The following SMG7 variants were observed in gnomAD, a reference collection of about 807,000 sequenced individuals.
SMG7 encodes SMG7 nonsense mediated mRNA decay factor, also known as nonsense-mediated mRNA decay factor SMG7.
A neutral mutation model predicts 148.2 loss-of-function variants in SMG7; 34 were observed. The observed-to-expected ratio is 0.23, with a 90% confidence interval of 0.17 to 0.31. SMG7 has a LOEUF of 0.31. SMG7 is among the 10% of genes least tolerant of loss of function. The probability of loss-of-function intolerance (pLI) is 1.00; values close to 1 mark genes in which losing one functional copy is unlikely to be tolerated. For missense variants in SMG7, 1,114 were observed against 1,408.4 expected (o/e 0.79, Z 3.35); for synonymous variants, 492 against 515.1 (o/e 0.96, Z 0.61).
At chr1:183,529,106 C>A in intron 7 of SMG7, 64 bp downstream of exon 7, 1 of 1,471,788 alleles carries the variant, frequency 6.8e-7, no homozygotes, top group Non-Finnish European at 9.2e-7. Context: ...GCCTTAATTC[C>A]TCATAATTTG....
At chr1:183,512,990 A>G (rs1662533307) in intron 2 of SMG7, 122 bp downstream of exon 2, 8 of 801,480 alleles carry the variant, frequency 1.0e-5, no homozygotes, top group South Asian at 3.9e-5. Context: ...AGGGATGATC[A>G]TTTACTATCT....
rs551716468 is a variant in SMG7 at position 183,513,458 on chromosome 1, G to A, written c.61+590G>A. 2.4e-4 allele frequency: 34 copies of A among 144,238 alleles called. No individual in the cohort carries two copies. In the East Asian group the frequency reaches 4.3e-3, roughly 18 times the overall value. 8.9% of individuals were successfully genotyped at this position (144,238 alleles called of 1,614,324 possible). ...GTGATCTCGGCTCACTGTAACCTCC[G>A]CCTCCCTGGTTCAAGCGATTCTCCT... On this transcript the variant is annotated intron_variant, in intron 2 of 22. Transcript: ENST00000688051.
Position 183,533,299 on chromosome 1 carries a change from T to C in SMG7, c.979T>C (p.Cys327Arg), listed in dbSNP as rs778089784. 62 of 1,613,694 alleles carry C rather than the reference T, an allele frequency of 3.8e-5. No homozygotes were observed. The highest frequency in any genetic ancestry group is 5.3e-5 in the African/African-American group (4 of 74,926). Reference sequence around the variant, plus strand: ...CACTTATAGCCAAGATGAGCAGCTATGTTGGACACAGTTGCTGGCCCTCTT... The same window carrying C: ...CACTTATAGCCAAGATGAGCAGCTACGTTGGACACAGTTGCTGGCCCTCTT... ...QHTYSQDEQL[C>R]WTQLLALFMS... Residue 327 changes from cysteine to arginine, a missense_variant, in exon 9 of 23, where the codon TGT (cysteine) becomes CGT (arginine). Around this residue, in one of 4 missense-constraint regions of SMG7, gnomAD observed 102 missense variants for 147.2 expected, o/e 0.69. Transcript: ENST00000688051.
chr1:183,517,880 TAC>T, intron 4 of SMG7, 60 bp downstream of exon 4: 1 of 1,537,806 alleles, frequency 6.5e-7, no homozygotes, highest in Non-Finnish European at 9.0e-7. Context: ...CTGCTCTTTG[TAC>T]ACGTCTTAAT....
chr1:183,532,104 G>A (rs551292584), intron 8 of SMG7, among the ~76,000 whole-genome samples: 6 of 152,268 alleles, frequency 3.9e-5, no homozygotes, highest in South Asian at 2.1e-4. Flanking sequence ...TCTTAGAATC[G>A]TAGAGCTTAC....
chr1:183,477,988 A>G (rs1485530941), intron 1 of SMG7, among the ~76,000 whole-genome samples: 3 of 152,162 alleles, frequency 2.0e-5, no homozygotes, highest in Admixed American at 6.5e-5. Flanking sequence ...AATATCCAAT[A>G]TGGTATAAAA....
Position 183,545,975 on chromosome 1 carries a change from G to A in SMG7, c.2380G>A (p.Ala794Thr), listed in dbSNP as rs1321482577. The A allele has an allele frequency of 6.3e-7, 1 of 1,593,208 alleles. No individual in the cohort carries two copies. Among genetic ancestry groups the A allele is most frequent in the African/African-American group, 1.4e-5 (1 of 73,530 alleles). Residue 794 changes from alanine (A) to threonine (T), a missense_variant, in exon 17 of 23, where the codon GCA (alanine) becomes ACA (threonine). By Grantham distance (58) the Ala-to-Thr change is moderately conservative. This residue lies in a region of SMG7 where 788 missense variants were observed against 894.5 expected (regional missense o/e 0.88). Transcript: ENST00000688051. ...HHSGFQQYQQADASKQLWNPP... is the reference protein window; with the variant it reads ...HHSGFQQYQQTDASKQLWNPP... ...GGCGTCTCTTTTTTAGTATCAACAG[G>A]CAGATGCCTCCAAACAGCTGTGGAA...
chr1:183,498,270 C>A (rs890906927), intron 1 of SMG7, among the ~76,000 whole-genome samples: 1 of 152,128 alleles, frequency 6.6e-6, no homozygotes, highest in Non-Finnish European at 1.5e-5. Flanking sequence ...GTGGCTCATA[C>A]CTGTAATCCC....
chr1:183,544,344 TGGTTACA>T lies in SMG7; in HGVS notation c.1843-5_1844del. Reference sequence around the variant, plus strand: ...TTATTATAGATAGTTTTGCTTCTATTGGTTACAGGTAAAATCCCAGACAGAACTAAGA... The same window carrying T: ...TTATTATAGATAGTTTTGCTTCTATTGGTAAAATCCCAGACAGAACTAAGA... On this transcript the variant is annotated splice_acceptor_variant and splice_polypyrimidine_tract_variant and intron_variant, in intron 14 of 22. Coordinates refer to ENST00000688051, the MANE Select transcript of SMG7 (RefSeq NM_001375584.1). LOFTEE classifies it high-confidence loss of function. 1 of 1,612,518 alleles carries T rather than the reference TGGTTACA, an allele frequency of 6.2e-7. No individual in the cohort carries two copies. Among genetic ancestry groups the T allele is most frequent in the South Asian group, 1.1e-5 (1 of 91,042 alleles).
intron 1 of SMG7, among the ~76,000 whole-genome samples, chr1:183,494,985 T>C (rs1658120376): frequency 6.6e-6 from 1 of 151,768 alleles, no homozygotes; most frequent in South Asian, 2.1e-4. Context: ...CACGCCACCA[T>C]GCCCAGCTAA....
intron 1 of SMG7, among the ~76,000 whole-genome samples, chr1:183,474,738 C>G (rs186283151): frequency 1.3e-5 from 2 of 152,256 alleles, no homozygotes; most frequent in East Asian, 3.9e-4. Context: ...AGGCATTGTA[C>G]CAACATCTGA....
chr1:183,501,180 A>C (rs1212809446), intron 1 of SMG7: 1 of 152,180 alleles, frequency 6.6e-6, no homozygotes, highest in Non-Finnish European at 1.5e-5. Flanking sequence ...AATAATGGCC[A>C]ACATTTTTTG....
At position 183,550,814 on chromosome 1, in the gene SMG7, C is replaced by T; in HGVS notation, c.3197C>T (p.Pro1066Leu). 6.2e-7 allele frequency: 1 copy of T among 1,614,170 alleles called. No homozygotes were observed. The highest frequency in any genetic ancestry group is 8.5e-7 in the Non-Finnish European group (1 of 1,180,010). The change falls in exon 21 of 23, where the codon CCT becomes CTT. Residue 1066 changes from proline to leucine, a missense_variant. Around this residue, in one of 4 missense-constraint regions of SMG7, gnomAD observed 788 missense variants for 894.5 expected, o/e 0.88. Transcript: ENST00000688051. ...SSNPSSLPSSPPTHNHNSVPF... is the reference protein window; with the variant it reads ...SSNPSSLPSSLPTHNHNSVPF... ...AACCCAAGCAGCCTACCCAGCTCTC[C>T]TCCAACACACAACCATAATTCTGTT... is the stretch of plus-strand genomic sequence containing the variant.
chr1:183,517,610 T>A, intron 3 of SMG7, 78 bp from the exon 4 acceptor site: 1 of 1,320,822 alleles, frequency 7.6e-7, no homozygotes, highest in Non-Finnish European at 1.1e-6. Context: ...AACAGACAGT[T>A]CTTTCTTGTT....
chr1:183,498,794 A>G (rs904897016), intron 1 of SMG7, among the ~76,000 whole-genome samples: 52 of 151,922 alleles, frequency 3.4e-4, no homozygotes, highest in African/African-American at 1.2e-3. Flanking sequence ...ATTATAGTTC[A>G]CTCTTGGTGT....
chr1:183,492,836 C>G (rs893956156), intron 1 of SMG7, among the ~76,000 whole-genome samples: 1 of 152,078 alleles, frequency 6.6e-6, no homozygotes, highest in Non-Finnish European at 1.5e-5. Flanking sequence ...GCATATAAAG[C>G]TATAAATACC....
chr1:183,552,653 C>T lies in SMG7; in HGVS notation c.*722C>T, dbSNP rs1671244011. 2.7e-6 allele frequency: 3 copies of T among 1,107,738 alleles called. No individual in the cohort carries two copies. Among genetic ancestry groups the T allele is most frequent in the South Asian group, 2.8e-5 (1 of 36,076 alleles). The allele number at this position is 1,107,738 out of a possible 1,614,324, so 68.6% of individuals were successfully genotyped here. A position where few individuals can be genotyped will look rare whatever the true frequency, so the allele number is the denominator to read the frequency against. On this transcript the variant is annotated 3_prime_UTR_variant, in exon 23 of 23. Transcript: ENST00000688051. ...GCCCTTCACTCTGTAGGTGCTCGAG[C>T]CCCAATCGAGGATACAGTGTGGGTG... is the stretch of plus-strand genomic sequence containing the variant.
chr1:183,491,622 A>G (rs1238131423), intron 1 of SMG7, among the ~76,000 whole-genome samples: 1 of 152,170 alleles, frequency 6.6e-6, no homozygotes, highest in East Asian at 1.9e-4. Context: ...TTTGAAGAGC[A>G]TAAGTTTTAA....
chr1:183,479,280 C>T (rs1183183929), intron 1 of SMG7, among the ~76,000 whole-genome samples: 5 of 152,076 alleles, frequency 3.3e-5, no homozygotes, highest in Non-Finnish European at 1.5e-5. Context: ...TTATTGACGA[C>T]TTGGTCCAGA....
Sources: allele counts gnomAD v4.1 joint callset (sites outside exome capture counted in the v4.1 genomes callset), GRCh38; gene constraint gnomAD v4.1.1; regional missense constraint gnomAD v4.1.1; transcripts MANE v1.5; gene names NCBI Gene and HGNC (gene_info 2026-07-23, HGNC 2026-07-21).